CADPS2: variants seen among roughly 807,000 people sequenced by gnomAD.
CADPS2 encodes the protein calcium dependent secretion activator 2, also known as calcium-dependent secretion activator 2.
CADPS2 carries 93 observed loss-of-function variants against 172.5 expected under a neutral mutation model. The ratio of observed to expected loss-of-function variants is 0.54; its 90% confidence interval spans 0.46 to 0.64. The LOEUF (loss-of-function observed/expected upper bound fraction) is 0.64, where lower values mean the gene tolerates loss of function less well. Among genes scored for constraint, CADPS2 ranks in the 30% least tolerant of loss-of-function variants. The probability of loss-of-function intolerance (pLI) is 0.00; values close to 1 mark genes in which losing one functional copy is unlikely to be tolerated. For synonymous variants in CADPS2, 546 were observed against 555.2 expected (o/e 0.98, Z 0.23); for missense variants, 1,420 against 1,565.9 (o/e 0.91, Z 1.57).
chr7:122,471,443 A>ACCATTTT lies in CADPS2; in HGVS notation c.2111_2117dup (p.Ala707LysfsTer6). Reference sequence around the variant, plus strand: ...GGAGCAGGGTAGGGTCAATGACAGCACCATTTTCTGAATGTTCCATCAGTT... The same window carrying ACCATTTT: ...GGAGCAGGGTAGGGTCAATGACAGCACCATTTTCCATTTTCTGAATGTTCCATCAGTT... On this transcript the variant is annotated frameshift_variant, in exon 14 of 30. Coordinates refer to ENST00000449022, the MANE Select transcript of CADPS2 (RefSeq NM_017954.11). LOFTEE classifies it high-confidence loss of function. 3 of 1,613,556 alleles carry ACCATTTT rather than the reference A, an allele frequency of 1.9e-6. No homozygotes were observed. The Middle Eastern group carries it at 5.0e-4, about 266-fold the overall frequency.
chr7:122,487,630 A>G (rs1291633502), intron 11 of CADPS2, among the ~76,000 whole-genome samples: 2 of 152,232 alleles, frequency 1.3e-5, no homozygotes, highest in African/African-American at 4.8e-5. Flanking sequence ...AAGGCTTAGA[A>G]ATTAGCTTAA....
At chr7:122,759,986 A>T (rs760097127) in intron 1 of CADPS2, among the ~76,000 whole-genome samples, 2 of 148,706 alleles carry the variant, frequency 1.3e-5, no homozygotes, top group East Asian at 2.0e-4. Context: ...GGTGTATTTT[A>T]TATATATATA....
At chr7:122,596,953 C>A (rs1258356118) in intron 6 of CADPS2, among the ~76,000 whole-genome samples, 1 of 152,028 alleles carries the variant, frequency 6.6e-6, no homozygotes, top group Non-Finnish European at 1.5e-5. Context: ...TGCTTCCACA[C>A]CTGGTGGAAG....
At chr7:122,618,236 T>C (rs913288509) in intron 5 of CADPS2, among the ~76,000 whole-genome samples, 4 of 152,166 alleles carry the variant, frequency 2.6e-5, no homozygotes, top group African/African-American at 9.7e-5. Flanking sequence ...TACCTAAAAG[T>C]AATCCTGAAC....
At chr7:122,504,689 C>T (rs897572668) in intron 9 of CADPS2, among the ~76,000 whole-genome samples, 1 of 152,126 alleles carries the variant, frequency 6.6e-6, no homozygotes, top group African/African-American at 2.4e-5. Flanking sequence ...ACCTCAGCCT[C>T]CCAAGTAACT....
rs1213435026 is a variant in CADPS2 at position 122,541,797 on chromosome 7, T to TTA, written c.1475+12752_1475+12753insTA. ...CACATATATTCATATATTTATATAT[T>TTA]CATATATATTTATATATTCATATGT... is the stretch of plus-strand genomic sequence containing the variant. On this transcript the variant is annotated intron_variant, in intron 8 of 29. Transcript: ENST00000449022. 1.9e-3 allele frequency among the ~76,000 whole-genome samples: 216 copies of TTA among 113,308 alleles called. 3 individuals carry two copies. The highest frequency in any genetic ancestry group is 2.8e-3 in the African/African-American group (99 of 35,456). 74.3% of individuals were successfully genotyped at this position (113,308 alleles called of 152,430 possible). A position where few individuals can be genotyped will look rare whatever the true frequency, so the allele number is the denominator to read the frequency against.
In CADPS2 at chr7:122,706,813, T is replaced by TATATATATATGTATGTACACACAC. The variant is rs2087633773; in HGVS notation, c.453+30118_453+30141dup. The stretch of plus-strand genomic sequence containing the variant: ...ACATATATATATACACACACACACA[T>TATATATATATGTATGTACACACAC]ATATATATATGTATGTACACACACA... On this transcript the variant is annotated intron_variant, in intron 2 of 29. Coordinates refer to ENST00000449022, the MANE Select transcript of CADPS2 (RefSeq NM_017954.11). Among the ~76,000 whole-genome samples, 8 of 148,364 alleles carry TATATATATATGTATGTACACACAC rather than the reference T, an allele frequency of 5.4e-5. No homozygotes were observed. In the South Asian group the frequency reaches 1.3e-3, roughly 24 times the overall value.
At chr7:122,616,179 T>C (rs2074894181) in intron 5 of CADPS2, among the ~76,000 whole-genome samples, 1 of 152,152 alleles carries the variant, frequency 6.6e-6, no homozygotes, top group Non-Finnish European at 1.5e-5. Flanking sequence ...CAAAATTTAA[T>C]TTATAAAATA....
intron 1 of CADPS2, among the ~76,000 whole-genome samples, chr7:122,809,144 A>C (rs1799448053): frequency 6.6e-6 from 1 of 152,306 alleles, no homozygotes; most frequent in African/African-American, 2.4e-5. Context: ...ATTGTTTCAT[A>C]TAACAATGTT....
intron 14 of CADPS2, among the ~76,000 whole-genome samples, chr7:122,456,533 A>T (rs2053806503): frequency 6.6e-6 from 1 of 152,212 alleles, no homozygotes. Context: ...ACTTCTTTTA[A>T]TTACAGATAA....
chr7:122,436,272 C>T (rs2050632479), intron 17 of CADPS2: 2 of 703,612 alleles, frequency 2.8e-6, no homozygotes, highest in Non-Finnish European at 4.1e-6. Flanking sequence ...TACAGCTTGC[C>T]TGTCAATCAT....
intron 11 of CADPS2, 36 bp from the exon 12 acceptor site, chr7:122,480,896 T>C: frequency 6.7e-7 from 1 of 1,495,848 alleles, no homozygotes; most frequent in Middle Eastern, 1.7e-4. Flanking sequence ...ACAAAGCATA[T>C]TTAAATGGGT....
intron 4 of CADPS2, among the ~76,000 whole-genome samples, chr7:122,627,870 T>C (rs946194716): frequency 6.6e-6 from 1 of 152,170 alleles, no homozygotes; most frequent in Non-Finnish European, 1.5e-5. Flanking sequence ...CATTAAAATA[T>C]TTTTCTTTCT....
intron 8 of CADPS2, among the ~76,000 whole-genome samples, chr7:122,514,658 A>C (rs1020939741): frequency 2.8e-4 from 42 of 152,162 alleles, no homozygotes; most frequent in Admixed American, 2.4e-3. Context: ...TAAGGTAATA[A>C]GGAGGTGCAC....
intron 9 of CADPS2, among the ~76,000 whole-genome samples, chr7:122,503,002 T>A (rs1382190483): frequency 6.6e-6 from 1 of 151,004 alleles, no homozygotes; most frequent in Non-Finnish European, 1.5e-5. Context: ...GAAAGCACAA[T>A]AGAAATAAGA....
chr7:122,470,771 C>T (rs2055823108), intron 14 of CADPS2, among the ~76,000 whole-genome samples: 1 of 152,118 alleles, frequency 6.6e-6, no homozygotes, highest in African/African-American at 2.4e-5. Context: ...GCTAAGATTA[C>T]AGGTGTAAGC....
chr7:122,512,266 C>T (rs1466759363), intron 9 of CADPS2, among the ~76,000 whole-genome samples: 1 of 152,082 alleles, frequency 6.6e-6, no homozygotes, highest in Admixed American at 6.6e-5. Context: ...GATCATTTTC[C>T]TTCCTTGGCA....
chr7:122,557,279 G>A (rs749405267), intron 7 of CADPS2, among the ~76,000 whole-genome samples: 4 of 152,138 alleles, frequency 2.6e-5, no homozygotes, highest in South Asian at 2.1e-4. Flanking sequence ...AGCTCCCAAG[G>A]TGCAGAGCCC....
intron 7 of CADPS2, among the ~76,000 whole-genome samples, chr7:122,556,123 A>G (rs886884173): frequency 3.9e-5 from 6 of 152,108 alleles, no homozygotes; most frequent in Admixed American, 6.6e-5. Context: ...TGACATTTAC[A>G]ATGTTTTCAC....
Sources: gnomAD v4.1 joint callset for allele counts (sites outside exome capture counted in the v4.1 genomes callset) on GRCh38, gnomAD v4.1.1 for gene constraint, MANE v1.5 for transcripts, NCBI Gene and HGNC (gene_info 2026-07-23, HGNC 2026-07-21) for gene names.